The following CCDC180 variants were observed in gnomAD, a reference collection of about 807,000 sequenced individuals.
CCDC180 encodes coiled-coil domain-containing protein 180.
In CCDC180, 154 loss-of-function variants were observed where a neutral mutation model predicts 209.2. That is an observed-to-expected ratio of 0.74 (90% CI 0.65 to 0.84). CCDC180 has a LOEUF of 0.84. Ranked by LOEUF, CCDC180 falls within the 40% of genes least tolerant of loss-of-function variation. CCDC180 has a pLI of 0.00. For synonymous variants in CCDC180, 778 were observed against 749.1 expected (o/e 1.04, Z -0.63); for missense variants, 1,874 against 1,997.3 (o/e 0.94, Z 1.18).
chr9:97,362,117 TG>T lies in CCDC180; in HGVS notation c.3657-76del, dbSNP rs1826772374. ...GACTGACGTGGCGCTGAGGACTAACTGGGATGCTGCTCAGAGCCTGGCCTGA... is the reference window on the plus strand; with the variant it reads ...GACTGACGTGGCGCTGAGGACTAACTGGATGCTGCTCAGAGCCTGGCCTGA... On this transcript the variant is annotated intron_variant, in intron 27 of 36. Transcript: ENST00000529487. 2.6e-6 allele frequency: 4 copies of T among 1,540,390 alleles called. No homozygotes were observed. The Admixed American group carries it at 7.5e-5, about 29-fold the overall frequency.
At chr9:97,350,243 C>T (rs1006945240) in intron 21 of CCDC180, among the ~76,000 whole-genome samples, 166 bp from the exon 22 acceptor site, 11 of 151,778 alleles carry the variant, frequency 7.2e-5, no homozygotes, top group Non-Finnish European at 1.6e-4. Flanking sequence ...CCCATGTCCC[C>T]AGGATCCTCA....
Position 97,364,329 on chromosome 9 carries a change from C to T in CCDC180, c.3980+201C>T, listed in dbSNP as rs913118811. On this transcript the variant is annotated intron_variant, in intron 29 of 36. Transcript: ENST00000529487. ...ATTTGTTGAGAAACATTTTCATCAA[C>T]ATTTCACATTTTCCAAGCTAACAAG... The T allele has an allele frequency of 1.4e-5, 7 of 518,228 alleles. No homozygotes were observed. In the African/African-American group the frequency reaches 1.4e-4, roughly 10 times the overall value. 32.1% of individuals were successfully genotyped at this position (518,228 alleles called of 1,614,324 possible). A position where few individuals can be genotyped will look rare whatever the true frequency, so the allele number is the denominator to read the frequency against.
intron 2 of CCDC180, 24 bp downstream of exon 2, chr9:97,308,156 T>A: frequency 6.5e-7 from 1 of 1,544,390 alleles, no homozygotes; most frequent in Non-Finnish European, 8.7e-7. Context: ...TCTGTCCCGC[T>A]TTTCTCCATC....
rs374439794 is a variant in CCDC180, at chr9:97,320,083, G to A, written c.1080-43G>A. On this transcript the variant is annotated intron_variant, in intron 10 of 36. Coordinates refer to ENST00000529487, the MANE Select transcript of CCDC180 (RefSeq NM_020893.6). ...ATGCTACCCATTTTGGTGAGTAAAC[G>A]GTTTGTTCCTGTGTGGCTTACTTGC... The A allele has an allele frequency of 6.0e-5, 90 of 1,508,680 alleles. 1 individual carries two copies. The highest frequency in any genetic ancestry group is 2.8e-4 in the African/African-American group (20 of 72,604). The allele number at this position is 1,508,680 out of a possible 1,614,324, so 93.5% of individuals were successfully genotyped here. A position where few individuals can be genotyped will look rare whatever the true frequency, so the allele number is the denominator to read the frequency against.
chr9:97,323,784 C>T lies in CCDC180; in HGVS notation c.1252C>T (p.Gln418Ter). 6.4e-7 allele frequency: 1 copy of T among 1,558,462 alleles called. No individual in the cohort carries two copies. Among genetic ancestry groups the T allele is most frequent in the Non-Finnish European group, 8.7e-7 (1 of 1,150,308 alleles). ...TGCCTTGTCCCACACACTCCAGAAG[C>T]AGCTGCTGGACTGGAAAGCCTTCAC... ...CLMHVQNCKK[Q>*]LLDWKAFTEE... Residue 418 changes from glutamine to a stop codon, truncating the protein, a stop_gained, in exon 13 of 37, where the codon CAG becomes TAG. Coordinates refer to ENST00000529487, the MANE Select transcript of CCDC180 (RefSeq NM_020893.6). LOFTEE classifies it high-confidence loss of function.
Position 97,330,398 on chromosome 9 carries a change from A to G in CCDC180, c.1905A>G (p.Arg635=). 6.2e-7 allele frequency: 1 copy of G among 1,614,162 alleles called. No individual in the cohort carries two copies. ...KKQGSKEDMT[R]SEESISSGTS... is the part of the protein sequence containing the mutation. The stretch of plus-strand genomic sequence containing the variant: ...AAGGGTCTAAAGAGGACATGACCAG[A>G]AGTGAGGAAAGCATAAGTAGTGGGA... The change falls in exon 18 of 37, where the codon AGA becomes AGG. Residue 635 remains arginine, a synonymous_variant. Coordinates refer to ENST00000529487, the MANE Select transcript of CCDC180 (RefSeq NM_020893.6).
At chr9:97,313,110 C>G in intron 4 of CCDC180, 126 bp from the exon 5 acceptor site, 1 of 632,242 alleles carries the variant, frequency 1.6e-6, no homozygotes, top group Non-Finnish European at 2.9e-6. Flanking sequence ...TAAGCCTCTG[C>G]CACCCTGACC....
chr9:97,373,320 T>A (rs987777756), intron 34 of CCDC180: 1 of 152,270 alleles, frequency 6.6e-6, no homozygotes, highest in Non-Finnish European at 1.5e-5. Context: ...TTTTTATTTG[T>A]AAAGGTTTTT....
At chr9:97,363,286 C>A (rs1045310248) in intron 28 of CCDC180, among the ~76,000 whole-genome samples, 4 of 152,188 alleles carry the variant, frequency 2.6e-5, no homozygotes, top group African/African-American at 7.2e-5. Context: ...CCATTTGGGA[C>A]CTACTGTTAT....
intron 18 of CCDC180, among the ~76,000 whole-genome samples, chr9:97,335,277 C>T (rs1367041904): frequency 1.3e-5 from 2 of 151,952 alleles, no homozygotes; most frequent in Non-Finnish European, 2.9e-5. Flanking sequence ...TTGCTGCACC[C>T]ATCAACTCGT....
In CCDC180 at chr9:97,309,486, A is replaced by G; in HGVS notation, c.142A>G (p.Arg48Gly). ...GCGTTCTGTGACCCTGAAGAGTGGC[A>G]GGATACCCATGATGAAGAAGGTGGA... ...AERSVTLKSG[R>G]IPMMKKVETP... Residue 48 changes from arginine to glycine, a missense_variant, in exon 3 of 37, where the codon AGG (arginine) becomes GGG (glycine). Transcript: ENST00000529487. The G allele has an allele frequency of 1.2e-6, 2 of 1,608,192 alleles. No homozygotes were observed. The highest frequency in any genetic ancestry group is 1.7e-6 in the Non-Finnish European group (2 of 1,177,432).
intron 22 of CCDC180, among the ~76,000 whole-genome samples, chr9:97,351,163 G>A (rs964591662): frequency 1.3e-5 from 2 of 152,170 alleles, no homozygotes; most frequent in African/African-American, 4.8e-5. Context: ...GTTATTTTGG[G>A]TATTTCCTAG....
At chr9:97,313,386 A>T in intron 5 of CCDC180, 41 bp downstream of exon 5, 1 of 1,449,322 alleles carries the variant, frequency 6.9e-7, no homozygotes. Context: ...TTCCTGTGCC[A>T]TTCCAAAGGT....
intron 13 of CCDC180, 69 bp downstream of exon 13, chr9:97,323,972 T>C: frequency 6.6e-7 from 1 of 1,520,086 alleles, no homozygotes; most frequent in Non-Finnish European, 8.9e-7. Flanking sequence ...TGCTGGGCTG[T>C]AGGGAGAGTC....
chr9:97,364,045 C>A lies in CCDC180; in HGVS notation c.3903-6C>A, dbSNP rs1342477177. The A allele has an allele frequency of 6.2e-7, 1 of 1,613,914 alleles. No individual in the cohort carries two copies. The highest frequency in any genetic ancestry group is 1.1e-5 in the South Asian group (1 of 91,054). ...TCCAGACCACCCACCCACCTTTGTC[C>A]CACAGCTTCACACCGCACCCCAAGC... On this transcript the variant is annotated splice_region_variant and splice_polypyrimidine_tract_variant and intron_variant, in intron 28 of 36. Transcript: ENST00000529487.
intron 19 of CCDC180, among the ~76,000 whole-genome samples, chr9:97,344,763 G>A (rs991005772): frequency 5.3e-5 from 8 of 152,160 alleles, no homozygotes; most frequent in African/African-American, 1.7e-4. Context: ...AGGATAACAT[G>A]CATTCATAAA....
chr9:97,354,789 A>G, intron 23 of CCDC180, 76 bp downstream of exon 23: 2 of 1,575,766 alleles, frequency 1.3e-6, no homozygotes, highest in Non-Finnish European at 1.7e-6. Context: ...AGGGAGGGCC[A>G]AGCCCTCCAT....
intron 25 of CCDC180, among the ~76,000 whole-genome samples, chr9:97,359,678 G>A (rs1024527669): frequency 2.0e-5 from 3 of 152,074 alleles, no homozygotes; most frequent in Admixed American, 6.5e-5. Context: ...TCTTACAGAT[G>A]GGGAGAACAA....
chr9:97,340,801 T>C (rs539418629), intron 18 of CCDC180, among the ~76,000 whole-genome samples: 5 of 151,556 alleles, frequency 3.3e-5, no homozygotes, highest in African/African-American at 9.7e-5. Context: ...GGAAAGGGAG[T>C]CTCCCTTTCC....
Sources: allele counts gnomAD v4.1 joint callset (sites outside exome capture counted in the v4.1 genomes callset), GRCh38; gene constraint gnomAD v4.1.1; transcripts MANE v1.5; gene names NCBI Gene and HGNC (gene_info 2026-07-23, HGNC 2026-07-21).